TECTA: variants seen among roughly 807,000 people sequenced by gnomAD.
TECTA encodes tectorin alpha.
In TECTA, 128 loss-of-function variants were observed where a neutral mutation model predicts 216.8. The ratio of observed to expected loss-of-function variants is 0.59; its 90% CI spans 0.51 to 0.68. The LOEUF is 0.68. TECTA is among the 30% of genes least tolerant of loss of function. The pLI, the probability that TECTA is intolerant of heterozygous loss-of-function variation, is 0.00. For missense variants in TECTA, 2,551 were observed against 2,786.2 expected (o/e 0.92, Z 1.90); for synonymous variants, 1,089 against 1,117.1 (o/e 0.97, Z 0.50).
chr11:121,172,445 T>G (rs898099377), intron 20 of TECTA, among the ~76,000 whole-genome samples: 8 of 152,076 alleles, frequency 5.3e-5, no homozygotes, highest in Non-Finnish European at 1.0e-4. Context: ...GGTGTTTGGT[T>G]TTTTGTTCTT....
At chr11:121,188,020 G>A (rs1455429673) in intron 21 of TECTA, 26 bp downstream of exon 21, 2 of 1,613,662 alleles carry the variant, frequency 1.2e-6, no homozygotes, top group Non-Finnish European at 8.5e-7. Flanking sequence ...AAAACAAAGT[G>A]CTTAGCCTTA....
chr11:121,177,558 G>A (rs1420542791), intron 20 of TECTA, among the ~76,000 whole-genome samples: 9 of 152,270 alleles, frequency 5.9e-5, no homozygotes, highest in South Asian at 2.1e-4. Flanking sequence ...AGGAGTACCC[G>A]GCCGTGTGAG....
In TECTA at chr11:121,168,680, A is replaced by T. The variant is rs147526966; in HGVS notation, c.5754A>T (p.Val1918=). The T allele has an allele frequency of 7.5e-5, 121 of 1,614,136 alleles. No homozygotes were observed. The highest frequency in any genetic ancestry group is 8.8e-5 in the Non-Finnish European group (104 of 1,179,986). The part of the protein sequence containing the change: ...LDSVVKPMLS[V]INLTVPTQEG... ...CTCATAATTGTTTCCGTTTTAGTGT[A>T]ATTAACCTGACAGTTCCAACCCAAG... Residue 1918 remains valine (V), a synonymous_variant, in exon 20 of 24, where the codon GTA becomes GTT. Coordinates refer to ENST00000392793, the MANE Select transcript of TECTA (RefSeq NM_005422.4).
At chr11:121,141,812 A>C (rs1946787082) in intron 11 of TECTA, among the ~76,000 whole-genome samples, 1 of 152,234 alleles carries the variant, frequency 6.6e-6, no homozygotes, top group Non-Finnish European at 1.5e-5. Context: ...TCGGGGTAGA[A>C]AAATGAATCA....
At chr11:121,102,314 C>A (rs1352812806) in intron 1 of TECTA, among the ~76,000 whole-genome samples, 1 of 152,224 alleles carries the variant, frequency 6.6e-6, no homozygotes, top group Non-Finnish European at 1.5e-5. Flanking sequence ...CTGCATGCAT[C>A]TTTAGCGTTG....
intron 20 of TECTA, among the ~76,000 whole-genome samples, chr11:121,173,446 A>C (rs1947133515): frequency 7.4e-6 from 1 of 135,876 alleles, no homozygotes; most frequent in Non-Finnish European, 1.6e-5. Context: ...TTAAATAGGG[A>C]ATCCTTTCCC....
intron 11 of TECTA, among the ~76,000 whole-genome samples, chr11:121,144,900 C>T (rs1946819082): frequency 6.6e-6 from 1 of 152,154 alleles, no homozygotes; most frequent in African/African-American, 2.4e-5. Flanking sequence ...TGCTGCAATA[C>T]AGTGTATGCA....
chr11:121,126,625 A>G (rs890263526), intron 8 of TECTA, among the ~76,000 whole-genome samples: 2 of 152,218 alleles, frequency 1.3e-5, no homozygotes, highest in South Asian at 2.1e-4. Context: ...ATTGTAATCC[A>G]TGCATTTGAG....
chr11:121,106,259 A>C (rs373588685), intron 3 of TECTA, among the ~76,000 whole-genome samples: 1 of 152,228 alleles, frequency 6.6e-6, no homozygotes, highest in South Asian at 2.1e-4. Flanking sequence ...TATTTCTGCT[A>C]CTCAACGAGA....
At chr11:121,168,313 T>A in intron 19 of TECTA, 96 bp downstream of exon 19, 4 of 1,498,124 alleles carry the variant, frequency 2.7e-6, no homozygotes, top group Non-Finnish European at 3.7e-6. Flanking sequence ...TTTGATGCCC[T>A]AGGAAAAACA....
At chr11:121,175,080 C>G (rs894727781) in intron 20 of TECTA, among the ~76,000 whole-genome samples, 43 of 152,172 alleles carry the variant, frequency 2.8e-4, no homozygotes, top group Admixed American at 2.4e-3. Context: ...ATTCTTCTCT[C>G]TTTTCTTCTT....
chr11:121,133,514 T>C (rs562072190), intron 10 of TECTA, among the ~76,000 whole-genome samples: 1 of 152,364 alleles, frequency 6.6e-6, no homozygotes, highest in African/African-American at 2.4e-5. Context: ...CATTTCATTG[T>C]CGTGTCTCTT....
Position 121,160,220 on chromosome 11 carries a change from C to G in TECTA, c.4775C>G (p.Thr1592Ser). Residue 1592 changes from threonine to serine, a missense_variant, in exon 15 of 24, where the codon ACC becomes AGC. Thr to Ser is a moderately conservative substitution (Grantham distance 58). Coordinates refer to ENST00000392793, the MANE Select transcript of TECTA (RefSeq NM_005422.4). Reference sequence around the variant, plus strand: ...AGTGAGGGGTTTCTGGTGATTGACACCAGCCCAGACATCCAGATATACTAC... The same window carrying G: ...AGTGAGGGGTTTCTGGTGATTGACAGCAGCCCAGACATCCAGATATACTAC... ...YSSEGFLVID[T>S]SPDIQIYYNG... The G allele has an allele frequency of 3.1e-6, 5 of 1,614,176 alleles. No individual in the cohort carries two copies. Among genetic ancestry groups the G allele is most frequent in the Non-Finnish European group, 4.2e-6 (5 of 1,180,042 alleles).
At chr11:121,169,454 A>T (rs1352336523) in intron 20 of TECTA, among the ~76,000 whole-genome samples, 1 of 152,234 alleles carries the variant, frequency 6.6e-6, no homozygotes, top group Non-Finnish European at 1.5e-5. Context: ...TGAATGAATG[A>T]GAAGAAAAGA....
At chr11:121,115,948 C>T (rs996157567) in intron 6 of TECTA, among the ~76,000 whole-genome samples, 3 of 152,152 alleles carry the variant, frequency 2.0e-5, no homozygotes, top group Admixed American at 6.5e-5. Flanking sequence ...TGAGCCACTG[C>T]ACCTGGGCTC....
At chr11:121,122,323 A>G (rs970671744) in intron 7 of TECTA, among the ~76,000 whole-genome samples, 2 of 152,196 alleles carry the variant, frequency 1.3e-5, no homozygotes, top group African/African-American at 4.8e-5. Flanking sequence ...ATGTGAACAC[A>G]GCTGGAAGGT....
chr11:121,148,282 C>T (rs896643558), intron 12 of TECTA, among the ~76,000 whole-genome samples: 1 of 152,172 alleles, frequency 6.6e-6, no homozygotes, highest in Non-Finnish European at 1.5e-5. Flanking sequence ...GAATCGTTCC[C>T]ATCACAAAGA....
rs186780639 is a variant in TECTA, at chr11:121,137,990, G to A, written c.3511G>A (p.Val1171Met). The change falls in exon 11 of 24, where the codon GTG becomes ATG. Residue 1171 changes from valine to methionine, a missense_variant. Physicochemically the swap from Val to Met is conservative, Grantham distance 21. Around this residue, in one of 3 missense-constraint regions of TECTA, gnomAD observed 2,375 missense variants for 2,563.9 expected, o/e 0.93. Transcript: ENST00000392793. ...CGTGACCGTGTTTGGCTACAGCATC[G>A]TGATCCACCGAGCTTACAAGCACAC... ...VDVTVFGYSI[V>M]IHRAYKHTVL... 387 of 1,613,716 alleles carry A rather than the reference G, an allele frequency of 2.4e-4. 3 individuals carry two copies. The East Asian group carries it at 8.3e-3, about 34-fold the overall frequency.
At chr11:121,116,770 G>A (rs1042920900) in intron 6 of TECTA, among the ~76,000 whole-genome samples, 5 of 152,072 alleles carry the variant, frequency 3.3e-5, no homozygotes, top group Non-Finnish European at 7.4e-5. Flanking sequence ...CTATTCAAAG[G>A]CATTTTCCTC....
Sources: allele counts gnomAD v4.1 joint callset (sites outside exome capture counted in the v4.1 genomes callset), GRCh38; gene constraint gnomAD v4.1.1; regional missense constraint gnomAD v4.1.1; transcripts MANE v1.5; gene names NCBI Gene and HGNC (gene_info 2026-07-23, HGNC 2026-07-21).